USO1: variants seen among roughly 807,000 people sequenced by gnomAD.
USO1 encodes USO1 vesicle transport factor.
A neutral mutation model predicts 124.5 loss-of-function variants in USO1; 57 were observed. The ratio of observed to expected loss-of-function variants is 0.46; its 90% confidence interval spans 0.37 to 0.57. The LOEUF (loss-of-function observed/expected upper bound fraction) is 0.57. USO1 is among the 20% of genes least tolerant of loss of function. USO1 has a pLI of 0.00. For missense variants in USO1, 900 were observed against 1,040.6 expected, an observed-to-expected ratio of 0.86 and a Z score of 1.86; for synonymous variants, 369 against 362.8, an observed-to-expected ratio of 1.02 and a Z score of -0.19.
intron 10 of USO1, among the ~76,000 whole-genome samples, chr4:75,788,171 ATT>A (rs11291010): frequency 1.9e-4 from 24 of 123,238 alleles, no homozygotes; most frequent in East Asian, 4.9e-4. Flanking sequence ...TTATTTATTT[ATT>A]TTTTTTTTTT....
chr4:75,800,513 T>G, intron 15 of USO1, 44 bp downstream of exon 15: 1 of 1,482,532 alleles, frequency 6.7e-7, no homozygotes, highest in Non-Finnish European at 8.9e-7. Flanking sequence ...CAAGAGATAA[T>G]GATGCTTTTT....
At chr4:75,780,994 TATAGCTACATAG>T (rs1345050548) in intron 8 of USO1, among the ~76,000 whole-genome samples, 12 of 152,152 alleles carry the variant, frequency 7.9e-5, no homozygotes, top group Admixed American at 7.2e-4. Flanking sequence ...TTCATAAGGC[TATAGCTACATAG>T]ATAGTGATTT....
chr4:75,810,052 A>G (rs531183802), intron 21 of USO1, among the ~76,000 whole-genome samples: 1 of 152,344 alleles, frequency 6.6e-6, no homozygotes, highest in South Asian at 2.1e-4. Flanking sequence ...ATTTGGCTCA[A>G]TTTATCTACC....
intron 1 of USO1, among the ~76,000 whole-genome samples, chr4:75,749,599 A>G (rs1016160157): frequency 6.6e-6 from 1 of 151,594 alleles, no homozygotes; most frequent in Admixed American, 6.6e-5. Context: ...TGGTCTCACT[A>G]TGTTGCCCAG....
chr4:75,736,933 T>G (rs1185740765), intron 1 of USO1, among the ~76,000 whole-genome samples: 1 of 152,228 alleles, frequency 6.6e-6, no homozygotes, highest in Non-Finnish European at 1.5e-5. Context: ...TTCTGTTGTT[T>G]AACACAAGGG....
At chr4:75,794,190 T>C (rs1722611366) in intron 13 of USO1, among the ~76,000 whole-genome samples, 1 of 152,220 alleles carries the variant, frequency 6.6e-6, no homozygotes, top group Admixed American at 6.5e-5. Flanking sequence ...TGTTCTTGCA[T>C]GTCATTTTTC....
At chr4:75,785,545 G>A (rs1722335447) in intron 9 of USO1, among the ~76,000 whole-genome samples, 1 of 151,886 alleles carries the variant, frequency 6.6e-6, no homozygotes, top group South Asian at 2.1e-4. Flanking sequence ...AAACTGTCCT[G>A]ATATGACTTC....
chr4:75,764,561 A>G lies in USO1; in HGVS notation c.296-5878A>G, dbSNP rs185940632. ...GTTGTTTATGTTTACATATGTAAAA[A>G]TATTTCAACATTTTAAAATACATTT... On this transcript the variant is annotated intron_variant, in intron 4 of 23. Coordinates refer to ENST00000514213, the MANE Select transcript of USO1 (RefSeq NM_003715.4). 5.9e-3 allele frequency among the ~76,000 whole-genome samples: 904 copies of G among 152,312 alleles called. 15 individuals are homozygous for G. The highest frequency in any genetic ancestry group is 0.021 in the African/African-American group (857 of 41,574).
At chr4:75,805,422 A>T in intron 19 of USO1, 119 bp downstream of exon 19, 1 of 1,376,706 alleles carries the variant, frequency 7.3e-7, no homozygotes, top group South Asian at 1.6e-5. Context: ...ATTTTACAGG[A>T]TGGGCCAGGC....
intron 3 of USO1, among the ~76,000 whole-genome samples, chr4:75,756,034 G>A (rs1721431318): frequency 6.6e-6 from 1 of 151,974 alleles, no homozygotes. Context: ...GCCGGGAGTG[G>A]TGGCGGGCGC....
At chr4:75,734,937 C>G (rs1720746663) in intron 1 of USO1, among the ~76,000 whole-genome samples, 2 of 151,908 alleles carry the variant, frequency 1.3e-5, no homozygotes, top group East Asian at 3.9e-4. Flanking sequence ...CCATATTGGC[C>G]AGGCTGGTTT....
rs1490254119 is a variant in USO1 at position 75,809,041 on chromosome 4, C to T, written c.2465C>T (p.Thr822Ile). Residue 822 changes from threonine to isoleucine, a missense_variant, in exon 21 of 24, where the codon ACA becomes ATA. Physicochemically the swap from Thr to Ile is moderately conservative, Grantham distance 89. Around this residue, in one of 2 missense-constraint regions of USO1, gnomAD observed 362 missense variants for 359.0 expected, o/e 1.01. Transcript: ENST00000514213. The part of the protein sequence containing the change: ...QTEKQELLQK[T>I]EAFAKSVEVQ... ...GAAAAGCAGGAACTGTTACAGAAAA[C>T]AGAAGCGTTTGTAAGTATTTTCTCT... 13 of 1,595,128 alleles carry T rather than the reference C, an allele frequency of 8.1e-6. No individual in the cohort carries two copies. Among genetic ancestry groups the T allele is most frequent in the Admixed American group, 1.8e-5 (1 of 56,766 alleles).
In USO1 at chr4:75,804,203, G is replaced by T; in HGVS notation, c.2056G>T (p.Ala686Ser). The change falls in exon 18 of 24, where the codon GCA becomes TCA. Residue 686 changes from alanine (A) to serine (S), a missense_variant. Coordinates refer to ENST00000514213, the MANE Select transcript of USO1 (RefSeq NM_003715.4). ...ATGTCAAAATGAACAGCTCCAGACG[G>T]CAGTCACACAGCAAGTATCACAGAT... is the stretch of plus-strand genomic sequence containing the variant. ...LKCQNEQLQT[A>S]VTQQVSQIQQ... The T allele has an allele frequency of 6.2e-7, 1 of 1,613,448 alleles. No homozygotes were observed. The highest frequency in any genetic ancestry group is 8.5e-7 in the Non-Finnish European group (1 of 1,179,674).
chr4:75,752,100 T>C (rs932218673), intron 1 of USO1, among the ~76,000 whole-genome samples: 1 of 152,224 alleles, frequency 6.6e-6, no homozygotes, highest in Non-Finnish European at 1.5e-5. Context: ...TAGAAAGCTC[T>C]GATTTTACCA....
intron 1 of USO1, among the ~76,000 whole-genome samples, chr4:75,735,956 C>G (rs1720776745): frequency 6.6e-6 from 1 of 152,006 alleles, no homozygotes; most frequent in Non-Finnish European, 1.5e-5. Flanking sequence ...TTTTAATTGA[C>G]CAGTTGTTAG....
intron 11 of USO1, 69 bp from the exon 12 acceptor site, chr4:75,790,574 G>A: frequency 6.5e-7 from 1 of 1,527,578 alleles, no homozygotes; most frequent in South Asian, 1.3e-5. Flanking sequence ...CAACAAAAAT[G>A]ACTAGTTATT....
At chr4:75,755,698 TA>T (rs1474692983) in intron 3 of USO1, among the ~76,000 whole-genome samples, 1 of 152,210 alleles carries the variant, frequency 6.6e-6, no homozygotes, top group African/African-American at 2.4e-5. Context: ...CTGTCTGTGT[TA>T]TTAACATCAC....
intron 21 of USO1, among the ~76,000 whole-genome samples, chr4:75,809,760 A>G (rs534712600): frequency 1.3e-5 from 2 of 151,948 alleles, no homozygotes; most frequent in African/African-American, 2.4e-5. Context: ...CTTCTTTCCA[A>G]CTCCGCTCTT....
Position 75,790,645 on chromosome 4 carries a change from C to T in USO1, c.1088C>T (p.Pro363Leu). The T allele has an allele frequency of 7.5e-6, 12 of 1,601,374 alleles. No individual in the cohort carries two copies. The highest frequency in any genetic ancestry group is 1.0e-5 in the Non-Finnish European group (12 of 1,176,116). Residue 363 changes from proline to leucine, a missense_variant and splice_region_variant, in exon 12 of 24, where the codon CCG becomes CTG. Pro to Leu is a moderately conservative substitution (Grantham distance 98). Coordinates refer to ENST00000514213, the MANE Select transcript of USO1 (RefSeq NM_003715.4). ...SVNAPSNPPR[P>L]AIVVLLMSMV... ...TCTTTTCTTTTTAAATGCAACAGAC[C>T]GGCAATTGTAGTACTTCTCATGTCC...
Sources: gnomAD v4.1 joint callset for allele counts (sites outside exome capture counted in the v4.1 genomes callset) on GRCh38, gnomAD v4.1.1 for gene constraint, gnomAD v4.1.1 regional missense constraint, MANE v1.5 for transcripts, NCBI Gene and HGNC (gene_info 2026-07-23, HGNC 2026-07-21) for gene names.